The following RASGRF2 variants were observed in gnomAD, a reference collection of about 807,000 sequenced individuals.
RASGRF2 encodes ras-specific guanine nucleotide-releasing factor 2.
Under a neutral mutation model 151.0 loss-of-function variants are expected in RASGRF2, and 76 were observed. That is an observed-to-expected ratio of 0.50 (90% CI 0.42 to 0.61). The LOEUF is 0.61. RASGRF2 is among the 20% of genes least tolerant of loss of function. The probability of loss-of-function intolerance (pLI) is 0.00; values close to 1 mark genes in which losing one functional copy is unlikely to be tolerated. For missense variants in RASGRF2, 1,148 were observed against 1,564.6 expected, an observed-to-expected ratio of 0.73 and a Z score of 4.49; for synonymous variants, 504 against 566.5, an observed-to-expected ratio of 0.89 and a Z score of 1.57.
chr5:81,050,678 G>C (rs1261900503), intron 2 of RASGRF2, among the ~76,000 whole-genome samples: 1 of 152,164 alleles, frequency 6.6e-6, no homozygotes. Context: ...TTAGCAGCTT[G>C]CATCTTTCCT....
At chr5:81,041,162 C>T (rs1333219144) in intron 1 of RASGRF2, among the ~76,000 whole-genome samples, 4 of 151,930 alleles carry the variant, frequency 2.6e-5, no homozygotes, top group Admixed American at 1.3e-4. Context: ...AGTAGCCAGG[C>T]GTGGTGGCAC....
At chr5:81,094,835 T>G in intron 11 of RASGRF2, 21 bp from the exon 12 acceptor site, 3 of 1,575,634 alleles carry the variant, frequency 1.9e-6, no homozygotes, top group Non-Finnish European at 2.6e-6. Flanking sequence ...CATCTAATTG[T>G]TTGCTTTACA....
At chr5:81,059,566 G>A (rs1751351352) in intron 2 of RASGRF2, among the ~76,000 whole-genome samples, 1 of 151,790 alleles carries the variant, frequency 6.6e-6, no homozygotes. Context: ...AAATACCTGG[G>A]CTGGGCGCGG....
intron 2 of RASGRF2, among the ~76,000 whole-genome samples, chr5:81,060,928 C>T (rs1751411291): frequency 6.6e-6 from 1 of 152,188 alleles, no homozygotes; most frequent in Admixed American, 6.5e-5. Context: ...GTACCTTTCT[C>T]TCTGTCTCTC....
intron 18 of RASGRF2, among the ~76,000 whole-genome samples, chr5:81,193,842 T>C (rs1171574356): frequency 1.3e-5 from 2 of 151,978 alleles, no homozygotes; most frequent in East Asian, 1.9e-4. Context: ...TCTCAAGAGG[T>C]TGAGTGGTTA....
chr5:81,060,662 G>C (rs1422166610), intron 2 of RASGRF2, among the ~76,000 whole-genome samples: 10 of 151,964 alleles, frequency 6.6e-5, no homozygotes, highest in Non-Finnish European at 2.9e-5. Context: ...AATATTTATT[G>C]ACTCAAAGAA....
At chr5:81,102,189 T>C (rs567283015) in intron 12 of RASGRF2, among the ~76,000 whole-genome samples, 1 of 152,320 alleles carries the variant, frequency 6.6e-6, no homozygotes, top group South Asian at 2.1e-4. Flanking sequence ...TTAGACTAGC[T>C]ATTAGTTCCA....
rs561110265 is a variant in RASGRF2, at chr5:81,228,707, G to C, written c.*2937G>C. On this transcript the variant is annotated 3_prime_UTR_variant, in exon 27 of 27. Transcript: ENST00000265080. ...TTTTCGTTATTAACTGAGACATCTA[G>C]TTTTGCTACAGGGACAAATCTCTTA... The C allele has an allele frequency of 2.0e-5, 3 of 152,292 alleles. No individual in the cohort carries two copies. The highest frequency in any genetic ancestry group is 7.2e-5 in the African/African-American group (3 of 41,576). The allele number at this position is 152,292 out of a possible 1,614,324, so 9.4% of individuals were successfully genotyped here.
rs113077126 is a variant in RASGRF2 at position 80,960,475 on chromosome 5, T to C, written c.-264T>C. Among the ~76,000 whole-genome samples, 73,973 of 149,374 alleles carry C rather than the reference T, an allele frequency of 0.5. 19,315 individuals are homozygous for C. The highest frequency in any genetic ancestry group is 0.67 in the African/African-American group (27,602 of 41,174). ...GCGGGGCCGCGCTCCACGCGGGCGT[T>C]GGGGGCTTGGGGGGCTCCGGGGGCT... On this transcript the variant is annotated 5_prime_UTR_variant, in exon 1 of 27. Transcript: ENST00000265080. This position sits in a 1 kb window ranked among gnomAD's most constrained non-coding sequence, Gnocchi z 5.5.
At position 81,094,353 on chromosome 5, in the gene RASGRF2, G is replaced by A. The variant is rs199615089; in HGVS notation, c.1609G>A (p.Asp537Asn). The A allele has an allele frequency of 1.6e-4, 261 of 1,612,346 alleles. No homozygotes were observed. Among genetic ancestry groups the A allele is most frequent in the Non-Finnish European group, 1.1e-4 (130 of 1,179,344 alleles). ...CTLIEEPDAS[D>N]DDSKGSGQVF... ...ATTGATTGAGGAGCCAGATGCAAGC[G>A]ATGATGACTGTAAGTCACCTTCGAT... Residue 537 changes from aspartate to asparagine, a missense_variant, in exon 11 of 27, where the codon GAT becomes AAT. By Grantham distance (23) the Asp-to-Asn change is conservative (BLOSUM62 1). Around this residue, in one of 5 missense-constraint regions of RASGRF2, gnomAD observed 646 missense variants for 807.4 expected, o/e 0.80. Transcript: ENST00000265080.
chr5:81,186,561 GAC>G (rs559512196), intron 18 of RASGRF2, among the ~76,000 whole-genome samples: 11 of 152,022 alleles, frequency 7.2e-5, no homozygotes, highest in South Asian at 2.1e-4. Context: ...TATAAACACA[GAC>G]ACACACACGC....
chr5:81,206,092 A>C (rs1392878940), intron 19 of RASGRF2, among the ~76,000 whole-genome samples: 1 of 152,228 alleles, frequency 6.6e-6, no homozygotes, highest in Non-Finnish European at 1.5e-5. Context: ...TTGGATGCCT[A>C]CTGGACTCCA....
At chr5:81,162,606 A>G (rs1395158560) in intron 17 of RASGRF2, among the ~76,000 whole-genome samples, 1 of 152,142 alleles carries the variant, frequency 6.6e-6, no homozygotes, top group Non-Finnish European at 1.5e-5. Context: ...TCGGCCTCCC[A>G]AAGTACTGGG....
At chr5:80,995,683 T>TTTC (rs1748823358) in intron 1 of RASGRF2, among the ~76,000 whole-genome samples, 1 of 26,054 alleles carries the variant, frequency 3.8e-5, no homozygotes, top group Admixed American at 4.6e-4. Flanking sequence ...TTTCCTTTCC[T>TTTC]TCCCCCCCCC....
intron 9 of RASGRF2, 105 bp downstream of exon 9, chr5:81,087,058 C>T (rs1752253531): frequency 9.8e-7 from 1 of 1,025,014 alleles, no homozygotes; most frequent in Non-Finnish European, 1.5e-6. Context: ...GGGTGCGGTG[C>T]CCGAAGGACC....
chr5:81,082,057 G>T (rs976893713), intron 7 of RASGRF2, among the ~76,000 whole-genome samples: 3 of 151,966 alleles, frequency 2.0e-5, no homozygotes, highest in African/African-American at 7.3e-5. Flanking sequence ...TTATCTTTAG[G>T]TTATGATTCA....
intron 17 of RASGRF2, among the ~76,000 whole-genome samples, chr5:81,162,840 T>C (rs1341931726): frequency 6.6e-6 from 1 of 152,122 alleles, no homozygotes; most frequent in Admixed American, 6.5e-5. Flanking sequence ...GGGGAACAAA[T>C]GAGCTAATTT....
At chr5:81,090,557 A>G (rs1752360456) in intron 9 of RASGRF2, among the ~76,000 whole-genome samples, 2 of 152,190 alleles carry the variant, frequency 1.3e-5, no homozygotes, top group African/African-American at 2.4e-5. Context: ...TTCACAAACC[A>G]TAGTGTTGCA....
chr5:81,144,442 A>G (rs374386731), intron 17 of RASGRF2, among the ~76,000 whole-genome samples: 3 of 152,226 alleles, frequency 2.0e-5, no homozygotes, highest in Non-Finnish European at 4.4e-5. Context: ...CTTACAGCCT[A>G]TGGCTTCACA....
Sources: gnomAD v4.1 joint callset for allele counts (sites outside exome capture counted in the v4.1 genomes callset) on GRCh38, gnomAD v4.1.1 for gene constraint, gnomAD v4.1.1 regional missense constraint, Gnocchi (gnomAD v3.1) non-coding constraint, MANE v1.5 for transcripts, NCBI Gene and HGNC (gene_info 2026-07-23, HGNC 2026-07-21) for gene names.